PLEKHA6: variants seen among roughly 807,000 people sequenced by gnomAD.
PLEKHA6 encodes the protein pleckstrin homology domain-containing family A member 6.
PLEKHA6 carries 60 observed loss-of-function variants against 116.7 expected under a neutral mutation model. The observed-to-expected ratio is 0.51, with a 90% CI of 0.42 to 0.64. The LOEUF (loss-of-function observed/expected upper bound fraction) is 0.64. Ranked by LOEUF, PLEKHA6 falls within the 30% of genes least tolerant of loss-of-function variation. The pLI is 0.00. For missense variants in PLEKHA6, 1,338 were observed against 1,422.7 expected (o/e 0.94, Z 0.96); for synonymous variants, 489 against 556.1 (o/e 0.88, Z 1.70).
In PLEKHA6 at chr1:204,259,360, C is replaced by T. The variant is rs142367511; in HGVS notation, c.905G>A (p.Arg302His). ...CTGGGCAATTTTGTCAGGGTTGGTG[C>T]GTGGTGGGAAACTCCGCCGGTGTCC... The part of the protein sequence containing the change: ...TGGHRRSFPP[R>H]TNPDKIAQRK... The change falls in exon 8 of 23, where the codon CGC becomes CAC. Residue 302 changes from arginine (R) to histidine (H), a missense_variant. This residue lies in a region of PLEKHA6 where 1,136 missense variants were observed against 1,163.6 expected (regional missense o/e 0.98). Coordinates refer to ENST00000272203, the MANE Select transcript of PLEKHA6 (RefSeq NM_014935.5). The surrounding 1 kb of genome is among the most constrained non-coding windows in gnomAD (Gnocchi z 4.6). The T allele has an allele frequency of 1.8e-4, 286 of 1,614,200 alleles. 2 individuals carry two copies. In the East Asian group the frequency reaches 4.7e-3, roughly 27 times the overall value.
intron 3 of PLEKHA6, among the ~76,000 whole-genome samples, chr1:204,270,336 G>A (rs1391496182): frequency 6.6e-6 from 1 of 152,204 alleles, no homozygotes. Context: ...TGAGCTATAA[G>A]CAATATGATA....
At chr1:204,317,443 G>C (rs897112171) in intron 1 of PLEKHA6, among the ~76,000 whole-genome samples, 2 of 152,146 alleles carry the variant, frequency 1.3e-5, no homozygotes, top group South Asian at 2.1e-4. Flanking sequence ...CTCCTCAGCC[G>C]GCTCTGAGGG....
rs763395929 is a variant in PLEKHA6, at chr1:204,229,101, G to A, written c.2587C>T (p.Arg863Cys). The change falls in exon 19 of 23, where the codon CGC (arginine) becomes TGC (cysteine). Residue 863 changes from arginine to cysteine, a missense_variant. Physicochemically the swap from Arg to Cys is radical, Grantham distance 180. Coordinates refer to ENST00000272203, the MANE Select transcript of PLEKHA6 (RefSeq NM_014935.5). ...PSPRPAYKVVRRHRSIHEVDI... is the reference protein window; with the variant it reads ...PSPRPAYKVVCRHRSIHEVDI... The stretch of plus-strand genomic sequence containing the variant: ...ACCTCATGGATGCTGCGGTGGCGGC[G>A]CACCTAGGGGACAGCAGCATCGTGA... 20 of 1,611,478 alleles carry A rather than the reference G, an allele frequency of 1.2e-5. No homozygotes were observed. Among genetic ancestry groups the A allele is most frequent in the South Asian group, 4.4e-5 (4 of 91,018 alleles).
At chr1:204,322,124 A>G (rs1186643905) in intron 1 of PLEKHA6, among the ~76,000 whole-genome samples, 1 of 152,250 alleles carries the variant, frequency 6.6e-6, no homozygotes, top group Non-Finnish European at 1.5e-5. Context: ...CTGACTTCAT[A>G]TATGAGAAAA....
At chr1:204,288,838 A>G (rs1351921633) in intron 1 of PLEKHA6, among the ~76,000 whole-genome samples, 2 of 152,216 alleles carry the variant, frequency 1.3e-5, no homozygotes, top group Non-Finnish European at 2.9e-5. Context: ...GGAGAAACAC[A>G]TTGTCAGTCA....
intron 1 of PLEKHA6, among the ~76,000 whole-genome samples, chr1:204,311,131 C>T (rs1022701544): frequency 1.3e-5 from 2 of 152,208 alleles, no homozygotes; most frequent in Non-Finnish European, 1.5e-5. Context: ...TATCCACAGG[C>T]CGCTTGAACT....
Position 204,261,633 on chromosome 1 carries a change from G to A in PLEKHA6, c.382-185C>T. The stretch of plus-strand genomic sequence containing the variant: ...AGAGGGCAGCTTGCAGCTACCCCGA[G>A]GGTTCCAGCTGGTACCCACGTATCC... On this transcript the variant is annotated intron_variant, in intron 6 of 22. Transcript: ENST00000272203. This position sits in a 1 kb window ranked among gnomAD's most constrained non-coding sequence, Gnocchi z 4.0. The A allele has an allele frequency of 1.6e-6, 1 of 639,054 alleles. No individual in the cohort carries two copies. The highest frequency in any genetic ancestry group is 2.7e-6 in the Non-Finnish European group (1 of 375,534). 39.6% of individuals were successfully genotyped at this position (639,054 alleles called of 1,614,324 possible). A position where few individuals can be genotyped will look rare whatever the true frequency, so the allele number is the denominator to read the frequency against.
At chr1:204,226,563 G>A (rs1202058097) in intron 21 of PLEKHA6, among the ~76,000 whole-genome samples, 1 of 152,142 alleles carries the variant, frequency 6.6e-6, no homozygotes, top group African/African-American at 2.4e-5. Context: ...GTTCAACAGA[G>A]GCCTGCTTCC....
At chr1:204,242,088 C>A (rs1662910296) in intron 15 of PLEKHA6, among the ~76,000 whole-genome samples, 1 of 152,146 alleles carries the variant, frequency 6.6e-6, no homozygotes, top group East Asian at 1.9e-4. Context: ...TCTTGGCTGG[C>A]ACTAAGAACC....
chr1:204,362,385 A>G (rs1427489559), upstream of PLEKHA6, among the ~76,000 whole-genome samples: 1 of 152,066 alleles, frequency 6.6e-6, no homozygotes, highest in African/African-American at 2.4e-5. Context: ...ACTGGTCCCC[A>G]TTGCTCAGAG....
In PLEKHA6 at chr1:204,229,022, G is replaced by A. The variant is rs772343656; in HGVS notation, c.2666C>T (p.Ala889Val). The change falls in exon 19 of 23, where the codon GCC becomes GTC. Residue 889 changes from alanine (A) to valine (V), a missense_variant. Transcript: ENST00000272203. Reference protein sequence around the residue: ...ALRAEEPGGHAYETPREEIAR... With the variant: ...ALRAEEPGGHVYETPREEIAR... ...AATTTCCTCCCGGGGTGTCTCGTAGGCATGCCCGCCAGGCTCCTCTGCCCG... is the reference window on the plus strand; with the variant it reads ...AATTTCCTCCCGGGGTGTCTCGTAGACATGCCCGCCAGGCTCCTCTGCCCG... 1.2e-6 allele frequency: 2 copies of A among 1,614,042 alleles called. No homozygotes were observed. The highest frequency in any genetic ancestry group is 1.7e-6 in the Non-Finnish European group (2 of 1,180,012).
intron 1 of PLEKHA6, among the ~76,000 whole-genome samples, chr1:204,285,419 C>T (rs918892584): frequency 3.1e-5 from 4 of 129,624 alleles, no homozygotes; most frequent in South Asian, 2.4e-4. Flanking sequence ...CCATTGTTTT[C>T]GTTTTTTTGG....
At chr1:204,263,462 C>G (rs1666388044) in intron 6 of PLEKHA6, among the ~76,000 whole-genome samples, 1 of 152,126 alleles carries the variant, frequency 6.6e-6, no homozygotes, top group South Asian at 2.1e-4. Flanking sequence ...CCCTCCCTTC[C>G]CTGGGGAAGG....
At chr1:204,266,276 GC>G (rs537820251) in intron 5 of PLEKHA6, among the ~76,000 whole-genome samples, 1 of 152,272 alleles carries the variant, frequency 6.6e-6, no homozygotes, top group East Asian at 1.9e-4. Flanking sequence ...CAGAGATGGA[GC>G]CCCTGCATGA....
In PLEKHA6 at chr1:204,248,888, C is replaced by T. The variant is rs770975294; in HGVS notation, c.1757G>A (p.Arg586Gln). 2.4e-5 allele frequency: 38 copies of T among 1,613,982 alleles called. No individual in the cohort carries two copies. In the Middle Eastern group the frequency reaches 6.6e-4, roughly 28 times the overall value. Reference sequence around the variant, plus strand: ...GTTCTGCAGTGAATCCTTTTTGTGTCGCAGCTTTTCTGGGTAGGCGGGCTG... The same window carrying T: ...GTTCTGCAGTGAATCCTTTTTGTGTTGCAGCTTTTCTGGGTAGGCGGGCTG... ...GSQPAYPEKL[R>Q]HKKDSLQNQL... The change falls in exon 12 of 23, where the codon CGA becomes CAA. Residue 586 changes from arginine (R) to glutamine (Q), a missense_variant. Transcript: ENST00000272203.
intron 1 of PLEKHA6, among the ~76,000 whole-genome samples, chr1:204,372,391 G>A (rs1417812738): frequency 6.6e-6 from 1 of 152,134 alleles, no homozygotes; most frequent in Admixed American, 6.5e-5. Flanking sequence ...CACCGACCAA[G>A]TGACACAGAC....
chr1:204,332,423 G>C (rs896641712), intron 1 of PLEKHA6, among the ~76,000 whole-genome samples: 1 of 152,122 alleles, frequency 6.6e-6, no homozygotes, highest in South Asian at 2.1e-4. Flanking sequence ...CCAGGCTAGA[G>C]TGCAGTGGCA....
At chr1:204,314,424 C>G (rs924860032) in intron 1 of PLEKHA6, among the ~76,000 whole-genome samples, 1 of 152,184 alleles carries the variant, frequency 6.6e-6, no homozygotes, top group Non-Finnish European at 1.5e-5. Context: ...ATCTAATACT[C>G]CTGCAGACGA....
intron 12 of PLEKHA6, among the ~76,000 whole-genome samples, chr1:204,248,345 G>C (rs1400101973): frequency 2.0e-5 from 3 of 152,036 alleles, no homozygotes; most frequent in Non-Finnish European, 4.4e-5. Flanking sequence ...GTAGAGACAG[G>C]GTTTCTCCAT....
Sources: gnomAD v4.1 joint callset for allele counts (sites outside exome capture counted in the v4.1 genomes callset) on GRCh38, gnomAD v4.1.1 for gene constraint, gnomAD v4.1.1 regional missense constraint, Gnocchi (gnomAD v3.1) non-coding constraint, MANE v1.5 for transcripts, NCBI Gene and HGNC (gene_info 2026-07-23, HGNC 2026-07-21) for gene names.